The following IMMP2L variants were observed in gnomAD, a reference collection of about 807,000 sequenced individuals.
The protein encoded by IMMP2L is mitochondrial inner membrane protease subunit 2.
IMMP2L carries 18 observed loss-of-function variants against 19.3 expected under a neutral mutation model. The observed-to-expected ratio is 0.93, with a 90% CI of 0.64 to 1.38. IMMP2L has a LOEUF of 1.38. Among genes scored for constraint, IMMP2L ranks in the 40% most tolerant of loss-of-function variants. The pLI, the probability that IMMP2L is intolerant of heterozygous loss-of-function variation, is 0.00. For synonymous variants in IMMP2L, 76 were observed against 73.0 expected, an observed-to-expected ratio of 1.04 and a Z score of -0.21; for missense variants, 233 against 218.2, an observed-to-expected ratio of 1.07 and a Z score of -0.43.
intron 3 of IMMP2L, among the ~76,000 whole-genome samples, chr7:111,036,299 G>A (rs1791347913): frequency 6.6e-6 from 1 of 152,022 alleles, no homozygotes; most frequent in South Asian, 2.1e-4. Flanking sequence ...ATAAAATTCT[G>A]GTCCCAGCTC....
At chr7:110,700,806 T>A (rs1339563028) in intron 5 of IMMP2L, among the ~76,000 whole-genome samples, 4 of 152,194 alleles carry the variant, frequency 2.6e-5, no homozygotes, top group Non-Finnish European at 5.9e-5. Flanking sequence ...TAAAAGCAAA[T>A]TCAGTATTAA....
rs1796062582 is a variant in IMMP2L, at chr7:110,728,782, T to C, written c.409-65061A>G. ...ATATTACCTCATTTGTTTCTCACCA[T>C]ATTCGTGAGGTGGCTACAATCATTA... On this transcript the variant is annotated intron_variant, in intron 5 of 5. Coordinates refer to ENST00000405709, the MANE Select transcript of IMMP2L (RefSeq NM_032549.4). This position sits in a 1 kb window ranked among gnomAD's most constrained non-coding sequence, Gnocchi z 4.6. 6.6e-6 allele frequency among the ~76,000 whole-genome samples: 1 copy of C among 152,166 alleles called. No homozygotes were observed. Among genetic ancestry groups the C allele is most frequent in the Non-Finnish European group, 1.5e-5 (1 of 68,036 alleles).
chr7:110,922,787 A>G (rs752351192), intron 4 of IMMP2L, among the ~76,000 whole-genome samples: 3 of 152,188 alleles, frequency 2.0e-5, no homozygotes, highest in Non-Finnish European at 2.9e-5. Flanking sequence ...GTTGCTTCAA[A>G]TGTATATCAT....
intron 4 of IMMP2L, among the ~76,000 whole-genome samples, chr7:110,887,859 A>G (rs570441457): frequency 6.6e-6 from 1 of 152,198 alleles, no homozygotes; most frequent in African/African-American, 2.4e-5. Flanking sequence ...CCAAGGCTGC[A>G]GAGTTCAGAA....
intron 3 of IMMP2L, chr7:111,124,167 G>A (rs1801002086): frequency 1.9e-6 from 3 of 1,613,864 alleles, no homozygotes; most frequent in East Asian, 2.2e-5. Flanking sequence ...AAAAACTCTT[G>A]CCTAATACCC....
intron 3 of IMMP2L, among the ~76,000 whole-genome samples, chr7:111,132,551 TAG>T (rs1297837983): frequency 1.3e-5 from 2 of 151,992 alleles, no homozygotes; most frequent in Non-Finnish European, 2.9e-5. Flanking sequence ...ACCAACAGCT[TAG>T]AGAGTCAGAT....
chr7:111,275,498 T>A (rs944641198), intron 3 of IMMP2L, among the ~76,000 whole-genome samples: 10 of 152,180 alleles, frequency 6.6e-5, no homozygotes, highest in Non-Finnish European at 1.2e-4. Context: ...GGAAAGACAG[T>A]AATTATACTG....
At chr7:110,781,641 TATA>T (rs1302169497) in intron 5 of IMMP2L, among the ~76,000 whole-genome samples, 1 of 151,806 alleles carries the variant, frequency 6.6e-6, no homozygotes, top group Non-Finnish European at 1.5e-5. Context: ...TACGTTCAGA[TATA>T]ATTTAGGCAA....
At chr7:110,932,519 AT>A (rs1356469799) in intron 4 of IMMP2L, among the ~76,000 whole-genome samples, 5 of 151,904 alleles carry the variant, frequency 3.3e-5, no homozygotes, top group Admixed American at 6.6e-5. Context: ...ATGCCAGGTG[AT>A]TTTTTTGTAT....
intron 1 of IMMP2L, among the ~76,000 whole-genome samples, chr7:111,560,244 G>T (rs934182701): frequency 7.3e-5 from 11 of 151,640 alleles, no homozygotes; most frequent in South Asian, 4.2e-4. Flanking sequence ...ACTTTTTTTT[G>T]ACTTTTTATT....
chr7:110,876,611 C>A (rs1019372728), intron 5 of IMMP2L, among the ~76,000 whole-genome samples: 5 of 152,070 alleles, frequency 3.3e-5, no homozygotes, highest in Non-Finnish European at 7.4e-5. Context: ...TACGAGGGAG[C>A]AGAATCTAAC....
chr7:110,748,158 G>A (rs187480595), intron 5 of IMMP2L, among the ~76,000 whole-genome samples: 1 of 152,204 alleles, frequency 6.6e-6, no homozygotes, highest in African/African-American at 2.4e-5. Flanking sequence ...TTGTTACAAA[G>A]AGAATAAAAT....
At chr7:111,390,122 G>T (rs1832196009) in intron 3 of IMMP2L, among the ~76,000 whole-genome samples, 1 of 152,160 alleles carries the variant, frequency 6.6e-6, no homozygotes, top group South Asian at 2.1e-4. Flanking sequence ...GGGCAGTGCA[G>T]TCAGTAGACA....
intron 5 of IMMP2L, among the ~76,000 whole-genome samples, chr7:110,693,975 G>C (rs535997877): frequency 5.9e-5 from 9 of 152,148 alleles, no homozygotes; most frequent in Non-Finnish European, 1.0e-4. Context: ...TTGGGGAACA[G>C]AGGGGACCTT....
chr7:110,980,619 T>C (rs191372775), intron 3 of IMMP2L, among the ~76,000 whole-genome samples: 1 of 152,300 alleles, frequency 6.6e-6, no homozygotes, highest in Non-Finnish European at 1.5e-5. Flanking sequence ...TTTACATGAC[T>C]AGATACATGA....
intron 5 of IMMP2L, among the ~76,000 whole-genome samples, chr7:110,817,608 A>G (rs1309816200): frequency 6.6e-6 from 1 of 152,118 alleles, no homozygotes; most frequent in Admixed American, 6.6e-5. Context: ...ATTGGAAAAA[A>G]CTACTTTAAA....
intron 3 of IMMP2L, among the ~76,000 whole-genome samples, chr7:111,436,863 G>A (rs1184063512): frequency 6.6e-6 from 1 of 151,874 alleles, no homozygotes; most frequent in African/African-American, 2.4e-5. Context: ...AGTCATGGCA[G>A]AAGGTGAAGG....
chr7:111,005,195 C>T (rs1439143713), intron 3 of IMMP2L, among the ~76,000 whole-genome samples: 23 of 152,250 alleles, frequency 1.5e-4, no homozygotes, highest in Non-Finnish European at 8.8e-5. Flanking sequence ...TTAAGATTCC[C>T]CCCTGCCTTA....
At chr7:111,112,229 G>A in intron 3 of IMMP2L, among the ~76,000 whole-genome samples, 1 of 152,020 alleles carries the variant, frequency 6.6e-6, no homozygotes, top group East Asian at 1.9e-4. Context: ...CTCCCAAAGT[G>A]CTGGGATTAC....
Sources: allele counts gnomAD v4.1 joint callset (sites outside exome capture counted in the v4.1 genomes callset), GRCh38; gene constraint gnomAD v4.1.1; non-coding constraint Gnocchi (gnomAD v3.1); transcripts MANE v1.5; gene names NCBI Gene and HGNC (gene_info 2026-07-23, HGNC 2026-07-21).